The following MEGF6 variants were observed in gnomAD, a reference collection of about 807,000 sequenced individuals.
The protein encoded by MEGF6 is multiple EGF like domains 6.
MEGF6 carries 184 observed loss-of-function variants against 207.1 expected under a neutral mutation model. The ratio of observed to expected loss-of-function variants is 0.89; its 90% CI spans 0.79 to 1.00. The LOEUF is 1.00. Ranked by LOEUF, MEGF6 falls within the 50% of genes least tolerant of loss-of-function variation. The pLI is 0.00. For synonymous variants in MEGF6, 1,038 were observed against 910.0 expected (o/e 1.14, Z -2.53); for missense variants, 2,282 against 2,202.9 (o/e 1.04, Z -0.72).
chr1:3,551,760 G>A (rs1391300144), intron 4 of MEGF6, among the ~76,000 whole-genome samples: 1 of 152,122 alleles, frequency 6.6e-6, no homozygotes. Flanking sequence ...CTGGATGGGG[G>A]CATCCAGAAA....
At position 3,508,624 on chromosome 1, in the gene MEGF6, T is replaced by C; in HGVS notation, c.1594A>G (p.Thr532Ala). Residue 532 changes from threonine (T) to alanine (A), a missense_variant, in exon 13 of 37, where the codon ACC becomes GCC. Thr to Ala is a moderately conservative substitution (Grantham distance 58, BLOSUM62 0). Transcript: ENST00000356575. ...CAGCCATCCAGGCCCAGGAGGCAGGTCCCTCCGTTCCTGCAGTCATCACAG... is the reference window on the plus strand; with the variant it reads ...CAGCCATCCAGGCCCAGGAGGCAGGCCCCTCCGTTCCTGCAGTCATCACAG... The part of the protein sequence containing the change: ...LTCDDCRNGG[T>A]CLLGLDGCDC... 1.9e-6 allele frequency: 3 copies of C among 1,613,402 alleles called. No individual in the cohort carries two copies. Among genetic ancestry groups the C allele is most frequent in the South Asian group, 1.1e-5 (1 of 91,070 alleles).
chr1:3,602,063 A>T (rs1644168725), intron 2 of MEGF6, among the ~76,000 whole-genome samples: 1 of 152,218 alleles, frequency 6.6e-6, no homozygotes, highest in Non-Finnish European at 1.5e-5. Flanking sequence ...TCGGTGTTGA[A>T]ATAAAATCTT....
At chr1:3,603,600 G>A (rs1644196634) in intron 1 of MEGF6, among the ~76,000 whole-genome samples, 1 of 152,078 alleles carries the variant, frequency 6.6e-6, no homozygotes, top group Admixed American at 6.5e-5. Flanking sequence ...CCAGCCTCAG[G>A]TGCAGCAAGC....
At chr1:3,596,437 CCCTGCGCCATCCCCTG>C (rs138102317) in intron 2 of MEGF6, among the ~76,000 whole-genome samples, 4,004 of 150,044 alleles carry the variant, frequency 0.027, 117 homozygotes, top group East Asian at 0.098. Flanking sequence ...CCTCAGGGCA[CCCTGCGCCATCCCCTG>C]CCAAGCCCCC....
At chr1:3,516,282 G>T (rs1412899390) in intron 5 of MEGF6, among the ~76,000 whole-genome samples, 5 of 152,264 alleles carry the variant, frequency 3.3e-5, no homozygotes, top group Admixed American at 2.0e-4. Context: ...GGCACCCAGG[G>T]TGGGCACTGG....
At chr1:3,580,677 C>A (rs1197788612) in intron 3 of MEGF6, among the ~76,000 whole-genome samples, 2 of 151,962 alleles carry the variant, frequency 1.3e-5, no homozygotes, top group Non-Finnish European at 2.9e-5. Context: ...CCCCCGGGGG[C>A]TCCAATACCA....
Position 3,497,089 on chromosome 1 carries a change from C to T in MEGF6, c.3512G>A (p.Cys1171Tyr), listed in dbSNP as rs1228296938. 6.4e-7 allele frequency: 1 copy of T among 1,572,430 alleles called. No homozygotes were observed. Among genetic ancestry groups the T allele is most frequent in the Non-Finnish European group, 8.6e-7 (1 of 1,158,686 alleles). The change falls in exon 28 of 37, where the codon TGT becomes TAT. Residue 1171 changes from cysteine (C) to tyrosine (Y), a missense_variant. Cys to Tyr is a radical substitution (Grantham distance 194). Transcript: ENST00000356575. Reference sequence around the variant, plus strand: ...ACCGGGACACTGGCACATCTGCGCACAGTCCTCCCCAAAGCTGCCGGGTGG... The same window carrying T: ...ACCGGGACACTGGCACATCTGCGCATAGTCCTCCCCAAAGCTGCCGGGTGG... The part of the protein sequence containing the change: ...ACPPGSFGED[C>Y]AQMCQCPGEN...
chr1:3,546,076 G>T (rs879482675), intron 4 of MEGF6, among the ~76,000 whole-genome samples: 5 of 152,250 alleles, frequency 3.3e-5, no homozygotes, highest in Non-Finnish European at 5.9e-5. Context: ...TCTCCCAGGG[G>T]CCAGGCTGCC....
At chr1:3,490,860 T>C in intron 36 of MEGF6, 52 bp downstream of exon 36, 1 of 1,549,970 alleles carries the variant, frequency 6.5e-7, no homozygotes, top group Non-Finnish European at 8.7e-7. Context: ...TCGTTGACTT[T>C]GCCATAACCC....
In MEGF6 at chr1:3,497,017, G is replaced by A; in HGVS notation, c.3584C>T (p.Ala1195Val). ...CTGGCAGCTGGGGCCGTGGTAGCCAGCAGCACATGAGCAGGTCCCGGTGGC... is the reference window on the plus strand; with the variant it reads ...CTGGCAGCTGGGGCCGTGGTAGCCAACAGCACATGAGCAGGTCCCGGTGGC... ...HPATGTCSCAAGYHGPSCQQR... is the reference protein window; with the variant it reads ...HPATGTCSCAVGYHGPSCQQR... The change falls in exon 28 of 37, where the codon GCT (alanine) becomes GTT (valine). Residue 1195 changes from alanine (A) to valine (V), a missense_variant. Ala to Val is a moderately conservative substitution (Grantham distance 64). Transcript: ENST00000356575. 6.4e-7 allele frequency: 1 copy of A among 1,551,504 alleles called. No homozygotes were observed. The highest frequency in any genetic ancestry group is 2.4e-5 in the East Asian group (1 of 41,118).
intron 3 of MEGF6, 88 bp downstream of exon 3, chr1:3,595,250 C>G (rs1644041758): frequency 1.1e-6 from 1 of 893,882 alleles, no homozygotes; most frequent in African/African-American, 1.7e-5. Context: ...AAGGGCGATC[C>G]CCACCAGGCC....
chr1:3,600,140 C>T (rs867658918), intron 2 of MEGF6, among the ~76,000 whole-genome samples: 1 of 152,128 alleles, frequency 6.6e-6, no homozygotes, highest in Non-Finnish European at 1.5e-5. Context: ...CTCCCCAGCC[C>T]GGGCTGCCTT....
At chr1:3,527,134 C>T (rs578109815) in intron 4 of MEGF6, among the ~76,000 whole-genome samples, 7 of 152,370 alleles carry the variant, frequency 4.6e-5, no homozygotes, top group East Asian at 1.9e-4. Context: ...CACCACCCTC[C>T]GGTTCCCACC....
At position 3,511,659 on chromosome 1, in the gene MEGF6, A is replaced by G; in HGVS notation, c.1005T>C (p.Cys335=). ...GGGAGCAGCCGCCGTTGTTGGCCTCACAGCTGTTCACGATTTCCATCTCAA... is the reference window on the plus strand; with the variant it reads ...GGGAGCAGCCGCCGTTGTTGGCCTCGCAGCTGTTCACGATTTCCATCTCAA... ...YRIEMEIVNS[C]EANNGGCSHG... Residue 335 remains cysteine, a synonymous_variant, in exon 9 of 37, where the codon TGT becomes TGC. Transcript: ENST00000356575. 2 of 1,610,546 alleles carry G rather than the reference A, an allele frequency of 1.2e-6. No individual in the cohort carries two copies. Among genetic ancestry groups the G allele is most frequent in the African/African-American group, 1.3e-5 (1 of 74,964 alleles).
intron 4 of MEGF6, among the ~76,000 whole-genome samples, chr1:3,568,707 C>G (rs576403365): frequency 9.7e-4 from 147 of 152,270 alleles, no homozygotes; most frequent in African/African-American, 3.4e-3. Flanking sequence ...TTTAGCCCCT[C>G]CTGACGGTGG....
intron 4 of MEGF6, among the ~76,000 whole-genome samples, chr1:3,575,626 A>AAGGCAT (rs1481908482): frequency 1.5e-5 from 1 of 67,648 alleles, no homozygotes; most frequent in African/African-American, 4.9e-5. Context: ...AGGAGGAGCA[A>AAGGCAT]GTCACATCTT....
At chr1:3,618,228 G>A in the MEGF6 span, among the ~76,000 whole-genome samples, 2 of 151,762 alleles carry the variant, frequency 1.3e-5, no homozygotes, top group African/African-American at 4.8e-5. The surrounding 1 kb of genome is among the most constrained non-coding windows in gnomAD (Gnocchi z 4.7). Flanking sequence ...GGTGTGGGCC[G>A]CACCCTGCCT....
intron 34 of MEGF6, 27 bp downstream of exon 34, chr1:3,493,744 C>T (rs1233785356): frequency 6.2e-7 from 1 of 1,605,614 alleles, no homozygotes; most frequent in Admixed American, 1.7e-5. Context: ...ACACCCACGC[C>T]CTTCCTGGGC....
intron 3 of MEGF6, among the ~76,000 whole-genome samples, chr1:3,588,699 C>T (rs1643932851): frequency 1.3e-5 from 2 of 151,992 alleles, no homozygotes; most frequent in African/African-American, 4.8e-5. Context: ...GGTCCTGCAG[C>T]CCCAGCCTTC....
Sources: gnomAD v4.1 joint callset for allele counts (sites outside exome capture counted in the v4.1 genomes callset) on GRCh38, gnomAD v4.1.1 for gene constraint, Gnocchi (gnomAD v3.1) non-coding constraint, MANE v1.5 for transcripts, NCBI Gene and HGNC (gene_info 2026-07-23, HGNC 2026-07-21) for gene names.